GOLGA4: variants seen among roughly 807,000 people sequenced by gnomAD.
GOLGA4 encodes golgin A4, also known as golgin subfamily A member 4.
A neutral mutation model predicts 265.9 loss-of-function variants in GOLGA4; 169 were observed. The observed-to-expected ratio is 0.64, with a 90% CI of 0.56 to 0.72. GOLGA4 has a LOEUF of 0.72. GOLGA4 is among the 30% of genes least tolerant of loss of function. GOLGA4 has a pLI of 0.00. For missense variants in GOLGA4, 2,482 were observed against 2,483.4 expected (o/e 1.00, Z 0.01); for synonymous variants, 923 against 855.8 (o/e 1.08, Z -1.37).
In GOLGA4 at chr3:37,299,197, TA is replaced by T. The variant is rs1281144515; in HGVS notation, c.1003-89del. On this transcript the variant is annotated intron_variant, in intron 8 of 23. Transcript: ENST00000361924. ...TGTGTACTTTTTTCCTTCTGCACTG[TA>T]ACATGTATATAAATTAGATAAATGT... is the stretch of plus-strand genomic sequence containing the variant. The T allele has an allele frequency of 6.2e-6, 6 of 974,082 alleles. No individual in the cohort carries two copies. The Admixed American group carries it at 1.3e-4, about 21-fold the overall frequency. The allele number at this position is 974,082 out of a possible 1,614,324, so 60.3% of individuals were successfully genotyped here. A position where few individuals can be genotyped will look rare whatever the true frequency, so the allele number is the denominator to read the frequency against.
chr3:37,336,305 T>C (rs1324526306), intron 17 of GOLGA4, among the ~76,000 whole-genome samples: 1 of 152,196 alleles, frequency 6.6e-6, no homozygotes, highest in Non-Finnish European at 1.5e-5. Context: ...AGAAAATACA[T>C]GTATTTAACT....
rs1435774618 is a variant in GOLGA4, at chr3:37,337,162, A to G, written c.6326A>G (p.Gln2109Arg). Reference protein sequence around the residue: ...GNDNVTIMELQTQLAQKTTLI... With the variant: ...GNDNVTIMELRTQLAQKTTLI... ...TTTCAGGTAACAATTATGGAGCTACAGGTAAGGCTAGTTCTTCTTTTTTTT... is the reference window on the plus strand; with the variant it reads ...TTTCAGGTAACAATTATGGAGCTACGGGTAAGGCTAGTTCTTCTTTTTTTT... Residue 2109 changes from glutamine (Q) to arginine (R), a missense_variant and splice_region_variant, in exon 18 of 24, where the codon CAG (glutamine) becomes CGG (arginine). Gln to Arg is a conservative substitution (Grantham distance 43). Around this residue, in one of 3 missense-constraint regions of GOLGA4, gnomAD observed 942 missense variants for 983.1 expected, o/e 0.96. Transcript: ENST00000361924. 2 of 1,426,212 alleles carry G rather than the reference A, an allele frequency of 1.4e-6. No individual in the cohort carries two copies. The highest frequency in any genetic ancestry group is 1.9e-6 in the Non-Finnish European group (2 of 1,028,738). The allele number at this position is 1,426,212 out of a possible 1,614,324, so 88.3% of individuals were successfully genotyped here. A position where few individuals can be genotyped will look rare whatever the true frequency, so the allele number is the denominator to read the frequency against.
intron 5 of GOLGA4, among the ~76,000 whole-genome samples, chr3:37,289,669 A>T (rs2096859921): frequency 6.6e-6 from 1 of 152,150 alleles, no homozygotes; most frequent in South Asian, 2.1e-4. Flanking sequence ...GTAATTTTTC[A>T]TAGCACTTAG....
intron 4 of GOLGA4, among the ~76,000 whole-genome samples, chr3:37,286,931 G>A (rs1578509577): frequency 6.6e-6 from 1 of 152,290 alleles, no homozygotes; most frequent in East Asian, 1.9e-4. Context: ...GTTTGCTTGT[G>A]TTTCTATGCA....
chr3:37,297,325 G>A (rs1319436869), intron 7 of GOLGA4, among the ~76,000 whole-genome samples: 1 of 152,144 alleles, frequency 6.6e-6, no homozygotes, highest in African/African-American at 2.4e-5. Flanking sequence ...GTGGGGCGGC[G>A]GGGCCAGTCC....
intron 10 of GOLGA4, among the ~76,000 whole-genome samples, chr3:37,314,303 C>T (rs2096931078): frequency 6.6e-6 from 1 of 151,980 alleles, no homozygotes; most frequent in African/African-American, 2.4e-5. Flanking sequence ...CCTGTTGCAC[C>T]CGTCCTATCT....
intron 16 of GOLGA4, among the ~76,000 whole-genome samples, chr3:37,332,068 A>G (rs1359172636): frequency 6.6e-6 from 1 of 152,090 alleles, no homozygotes; most frequent in Non-Finnish European, 1.5e-5. Flanking sequence ...TTTTTCCCTA[A>G]CATAGTCATC....
At chr3:37,332,520 CA>C (rs950707239) in intron 16 of GOLGA4, among the ~76,000 whole-genome samples, 1 of 151,376 alleles carries the variant, frequency 6.6e-6, no homozygotes, top group Non-Finnish European at 1.5e-5. Context: ...AGAAAAACAA[CA>C]AAAAAAATTA....
intron 7 of GOLGA4, among the ~76,000 whole-genome samples, chr3:37,297,862 A>G (rs1236754179): frequency 1.3e-5 from 2 of 152,144 alleles, no homozygotes; most frequent in Non-Finnish European, 2.9e-5. Flanking sequence ...CCCCACCTCT[A>G]CTAAAAATAC....
At chr3:37,286,386 C>G (rs2096849506) in intron 4 of GOLGA4, among the ~76,000 whole-genome samples, 1 of 151,672 alleles carries the variant, frequency 6.6e-6, no homozygotes, top group African/African-American at 2.4e-5. Context: ...ATCTCCTGAC[C>G]TCATGATCCA....
chr3:37,260,655 A>G (rs2096767266), intron 2 of GOLGA4, among the ~76,000 whole-genome samples: 1 of 151,848 alleles, frequency 6.6e-6, no homozygotes, highest in Admixed American at 6.6e-5. Flanking sequence ...AAAAAAAGAA[A>G]CAGGGCCATC....
intron 2 of GOLGA4, among the ~76,000 whole-genome samples, chr3:37,268,940 A>G (rs1375557694): frequency 6.6e-6 from 1 of 152,208 alleles, no homozygotes; most frequent in Non-Finnish European, 1.5e-5. Context: ...ATAAAAATTT[A>G]GTGAGGGTCT....
chr3:37,298,008 G>A lies in GOLGA4; in HGVS notation c.815-825G>A, dbSNP rs530896489. 2.6e-4 allele frequency among the ~76,000 whole-genome samples: 40 copies of A among 151,876 alleles called. No homozygotes were observed. The South Asian group carries it at 4.8e-3, about 18-fold the overall frequency. On this transcript the variant is annotated intron_variant, in intron 7 of 23. Coordinates refer to ENST00000361924, the MANE Select transcript of GOLGA4 (RefSeq NM_002078.5). ...CATGCCACTGCACTCCAGTCTGGGC[G>A]GCAAAGCGAGGCTCCGTCTCAAAAA...
chr3:37,327,446 C>A lies in GOLGA4; in HGVS notation c.5560C>A (p.Gln1854Lys), dbSNP rs1188972606. The change falls in exon 14 of 24, where the codon CAA becomes AAA. Residue 1854 changes from glutamine (Q) to lysine (K), a missense_variant. Gln to Lys is a moderately conservative substitution (Grantham distance 53, BLOSUM62 1). Around this residue, in one of 3 missense-constraint regions of GOLGA4, gnomAD observed 942 missense variants for 983.1 expected, o/e 0.96. Coordinates refer to ENST00000361924, the MANE Select transcript of GOLGA4 (RefSeq NM_002078.5). ...EKELTCQILEQKIKELDSCLV... is the reference protein window; with the variant it reads ...EKELTCQILEKKIKELDSCLV... ...GGAACTAACCTGTCAGATTTTGGAG[C>A]AAAAGATAAAAGAGCTGGATTCCTG... 2.5e-6 allele frequency: 4 copies of A among 1,612,630 alleles called. No individual in the cohort carries two copies. Among genetic ancestry groups the A allele is most frequent in the Non-Finnish European group, 3.4e-6 (4 of 1,179,592 alleles).
chr3:37,354,331 A>T (rs2097084288), intron 21 of GOLGA4, among the ~76,000 whole-genome samples: 1 of 152,028 alleles, frequency 6.6e-6, no homozygotes, highest in Non-Finnish European at 1.5e-5. Context: ...TTTTGTATGT[A>T]AGCACTGAAG....
At position 37,275,674 on chromosome 3, in the gene GOLGA4, G is replaced by C. The variant is rs1456891375; in HGVS notation, c.163-6284G>C. On this transcript the variant is annotated intron_variant, in intron 2 of 23. Coordinates refer to ENST00000361924, the MANE Select transcript of GOLGA4 (RefSeq NM_002078.5). ...TCCCCTTGCCAGCGGGGTGGGCGCGGAGAAGACCTGCCGGAGCCATGGAGG... is the reference window on the plus strand; with the variant it reads ...TCCCCTTGCCAGCGGGGTGGGCGCGCAGAAGACCTGCCGGAGCCATGGAGG... 9 of 1,611,708 alleles carry C rather than the reference G, an allele frequency of 5.6e-6. No homozygotes were observed. In the Admixed American group the frequency reaches 1.2e-4, roughly 21 times the overall value.
chr3:37,258,635 T>C (rs115207457), intron 2 of GOLGA4, among the ~76,000 whole-genome samples: 37 of 152,310 alleles, frequency 2.4e-4, no homozygotes, highest in African/African-American at 8.7e-4. Flanking sequence ...GCCCCAGTTG[T>C]TGAGAATTCT....
chr3:37,329,794 C>A (rs1366707707), intron 16 of GOLGA4, among the ~76,000 whole-genome samples: 3 of 152,074 alleles, frequency 2.0e-5, no homozygotes, highest in Non-Finnish European at 2.9e-5. Context: ...AAAATGTTTT[C>A]AAATGTAATA....
chr3:37,304,235 T>A (rs1377687612), intron 10 of GOLGA4, among the ~76,000 whole-genome samples: 4 of 152,188 alleles, frequency 2.6e-5, no homozygotes, highest in Non-Finnish European at 2.9e-5. Context: ...GGATGCAGTT[T>A]TGAGAAATGA....
Sources: allele counts gnomAD v4.1 joint callset (sites outside exome capture counted in the v4.1 genomes callset), GRCh38; gene constraint gnomAD v4.1.1; regional missense constraint gnomAD v4.1.1; transcripts MANE v1.5; gene names NCBI Gene and HGNC (gene_info 2026-07-23, HGNC 2026-07-21).